The following PRH1 variants were observed in gnomAD, a reference collection of about 807,000 sequenced individuals.
PRH1 encodes proline rich protein HaeIII subfamily 1, also known as salivary acidic proline-rich phosphoprotein 1/2.
In PRH1, 7 loss-of-function variants were observed where a neutral mutation model predicts 7.9. The ratio of observed to expected loss-of-function variants is 0.89; its 90% CI spans 0.50 to 1.67. The LOEUF (loss-of-function observed/expected upper bound fraction) is 1.67, where lower values mean the gene tolerates loss of function less well. Among genes scored for constraint, PRH1 ranks in the 40% most tolerant of loss-of-function variants. The pLI is 0.00. For synonymous variants in PRH1, 45 were observed against 80.8 expected (o/e 0.56, Z 2.38); for missense variants, 109 against 223.6 (o/e 0.49, Z 3.27).
chr12:11,149,011 T>C (rs1358439119), intron 1 of PRH1, among the ~76,000 whole-genome samples: 4 of 150,798 alleles, frequency 2.7e-5, no homozygotes, highest in African/African-American at 7.3e-5. Flanking sequence ...TGGTTTAGTC[T>C]TGGGAGAGTG....
At chr12:11,084,160 C>T (rs1416469010) in intron 1 of PRH1, among the ~76,000 whole-genome samples, 1 of 120,146 alleles carries the variant, frequency 8.3e-6, no homozygotes, top group East Asian at 2.0e-4. Context: ...ATTAAAAACT[C>T]CTTCCCTCCT....
intron 1 of PRH1, among the ~76,000 whole-genome samples, chr12:11,057,509 T>C (rs1165222389): frequency 6.6e-6 from 1 of 152,228 alleles, no homozygotes; most frequent in Non-Finnish European, 1.5e-5. Flanking sequence ...TCTGAAATTC[T>C]CCACTGCTGG....
intron 1 of PRH1, among the ~76,000 whole-genome samples, chr12:11,102,513 A>T (rs866583868): frequency 5.3e-5 from 8 of 152,158 alleles, no homozygotes; most frequent in African/African-American, 1.9e-4. Context: ...AACTGGATCC[A>T]TTCCTTACAC....
At chr12:10,920,955 C>T (rs1197767515) in intron 2 of PRH1, among the ~76,000 whole-genome samples, 1 of 151,982 alleles carries the variant, frequency 6.6e-6, no homozygotes, top group Non-Finnish European at 1.5e-5. Context: ...AACATTTTTG[C>T]AACATCTGTT....
At chr12:11,000,647 G>A (rs1940541872) in intron 1 of PRH1, among the ~76,000 whole-genome samples, 1 of 151,988 alleles carries the variant, frequency 6.6e-6, no homozygotes, top group Non-Finnish European at 1.5e-5. Flanking sequence ...CATTGATTCT[G>A]CCCTATTTTA....
chr12:10,981,826 T>C (rs1939371554), intron 1 of PRH1, among the ~76,000 whole-genome samples: 1 of 151,594 alleles, frequency 6.6e-6, no homozygotes, highest in Non-Finnish European at 1.5e-5. Flanking sequence ...GTCTTCTGGG[T>C]AGCTGTAACT....
At chr12:11,047,262 AC>A (rs1942937108), upstream of PRH1, 1 of 297,458 alleles carries the variant, frequency 3.4e-6, no homozygotes, top group Non-Finnish European at 7.0e-6. Flanking sequence ...CCACAATGAA[AC>A]ATATGATTAA....
intron 1 of PRH1, among the ~76,000 whole-genome samples, chr12:11,038,737 T>C (rs1199644300): frequency 1.5e-5 from 2 of 137,254 alleles, no homozygotes; most frequent in African/African-American, 5.0e-5. Flanking sequence ...TGAAACTCAG[T>C]GATATGCATG....
intron 2 of PRH1, among the ~76,000 whole-genome samples, chr12:10,915,796 C>T (rs147380630): frequency 0.01 from 1,596 of 152,298 alleles, 19 homozygotes; most frequent in Non-Finnish European, 0.015. Flanking sequence ...CCTGTCTTTG[C>T]TTTTCTTCTT....
chr12:10,928,086 GA>G (rs1306330102), intron 2 of PRH1, among the ~76,000 whole-genome samples: 2 of 148,830 alleles, frequency 1.3e-5, no homozygotes, highest in African/African-American at 2.5e-5. Context: ...CATGTGGGGA[GA>G]AAAAAACTAT....
At chr12:10,992,661 C>T (rs757518715) in intron 1 of PRH1, among the ~76,000 whole-genome samples, 3 of 152,180 alleles carry the variant, frequency 2.0e-5, no homozygotes, top group Non-Finnish European at 2.9e-5. Context: ...GCTCCTCCCA[C>T]CTCAGCCTCC....
At chr12:11,163,935 C>T (rs189101140) in intron 1 of PRH1, among the ~76,000 whole-genome samples, 6 of 152,116 alleles carry the variant, frequency 3.9e-5, no homozygotes, top group Non-Finnish European at 8.8e-5. Flanking sequence ...TGAGGTAAAG[C>T]TATTATTTCT....
In PRH1 at chr12:11,062,131, C is replaced by G. The variant is rs776679661; in HGVS notation, n.124-14943G>C. On this transcript the variant is annotated intron_variant and non_coding_transcript_variant, in intron 1 of 4. Coordinates refer to the PRH1 transcript ENST00000541977. Reference sequence around the variant, plus strand: ...TACTAATACCCAGAGTAAACCAACTCTGGAGACTGCCAGAGCAGTGAGAAT... The same window carrying G: ...TACTAATACCCAGAGTAAACCAACTGTGGAGACTGCCAGAGCAGTGAGAAT... 3 of 1,613,662 alleles carry G rather than the reference C, an allele frequency of 1.9e-6. 1 individual carries two copies. Among genetic ancestry groups the G allele is most frequent in the South Asian group, 2.2e-5 (2 of 91,068 alleles).
chr12:10,976,487 C>T (rs1391482314), intron 1 of PRH1, among the ~76,000 whole-genome samples: 1 of 152,138 alleles, frequency 6.6e-6, no homozygotes, highest in East Asian at 1.9e-4. Flanking sequence ...CTCAAATTAA[C>T]AACCTAACAT....
chr12:10,902,370 G>A (rs1354789929), intron 2 of PRH1, among the ~76,000 whole-genome samples: 2 of 152,104 alleles, frequency 1.3e-5, no homozygotes, highest in Non-Finnish European at 2.9e-5. Context: ...ATGGGATTAT[G>A]TGAAGCAACC....
rs755235118 is a variant in PRH1 at position 11,133,874 on chromosome 12, C to A, written n.40-12694G>T. On this transcript the variant is annotated intron_variant and non_coding_transcript_variant, in intron 1 of 1. Coordinates refer to the PRH1 transcript ENST00000541175. ...TATCACCAGAACAACACTCTTAACT[C>A]TCCTCTTTATGCGAAGAAAAATAAG... 1.9e-6 allele frequency: 3 copies of A among 1,614,132 alleles called. No individual in the cohort carries two copies. The South Asian group carries it at 3.3e-5, about 18-fold the overall frequency.
chr12:10,962,995 C>T (rs1938321152), intron 2 of PRH1, among the ~76,000 whole-genome samples: 1 of 152,230 alleles, frequency 6.6e-6, no homozygotes, highest in Non-Finnish European at 1.5e-5. Flanking sequence ...CGGTCTTGAT[C>T]TCCTGACCTC....
At chr12:11,113,359 A>G (rs1945643613) in intron 1 of PRH1, among the ~76,000 whole-genome samples, 1 of 152,186 alleles carries the variant, frequency 6.6e-6, no homozygotes, top group Non-Finnish European at 1.5e-5. Flanking sequence ...CTGGTACCAA[A>G]ACAGATATAT....
intron 1 of PRH1, chr12:10,997,998 C>G: frequency 1.6e-6 from 1 of 633,826 alleles, no homozygotes; most frequent in Admixed American, 3.3e-5. Context: ...ATTCTTTATA[C>G]TTTTAAATTC....
Sources: allele counts gnomAD v4.1 joint callset (sites outside exome capture counted in the v4.1 genomes callset), GRCh38; gene constraint gnomAD v4.1.1; transcripts MANE v1.5; gene names NCBI Gene and HGNC (gene_info 2026-07-23, HGNC 2026-07-21).